NEB: variants seen among roughly 807,000 people sequenced by gnomAD.
NEB encodes nebulin, also known as nemaline myopathy type 2.
Under a neutral mutation model 952.2 loss-of-function variants are expected in NEB, and 512 were observed. The ratio of observed to expected loss-of-function variants is 0.54; its 90% CI spans 0.50 to 0.58. The LOEUF (loss-of-function observed/expected upper bound fraction) is 0.58. Ranked by LOEUF, NEB falls within the 20% of genes least tolerant of loss-of-function variation. NEB has a pLI of 0.00. For synonymous variants in NEB, 2,900 were observed against 3,149.8 expected (o/e 0.92, Z 2.66); for missense variants, 8,428 against 9,231.1 (o/e 0.91, Z 3.56).
At chr2:151,564,774 C>T (rs1252494640) in intron 117 of NEB, among the ~76,000 whole-genome samples, 3 of 152,184 alleles carry the variant, frequency 2.0e-5, no homozygotes, top group Non-Finnish European at 2.9e-5. Flanking sequence ...CTCACTTGCA[C>T]GATCTCCTGA....
chr2:151,681,653 C>T (rs2099414721), intron 29 of NEB, among the ~76,000 whole-genome samples: 1 of 152,276 alleles, frequency 6.6e-6, no homozygotes, highest in African/African-American at 2.4e-5. Flanking sequence ...TGGAAGACAA[C>T]CCTCATACCA....
At chr2:151,662,390 A>G in intron 45 of NEB, 49 bp from the exon 46 acceptor site, 1 of 1,451,546 alleles carries the variant, frequency 6.9e-7, no homozygotes, top group South Asian at 1.5e-5. Context: ...GAACTTCCCA[A>G]GAATCCTAAG....
intron 18 of NEB, among the ~76,000 whole-genome samples, chr2:151,695,182 T>A (rs1231079943): frequency 6.6e-6 from 1 of 152,202 alleles, no homozygotes; most frequent in Non-Finnish European, 1.5e-5. Context: ...TTCATGCAAG[T>A]TCTCATATAT....
intron 143 of NEB, 92 bp downstream of exon 143, chr2:151,533,350 A>C (rs1340720397): frequency 1.3e-6 from 1 of 797,422 alleles, no homozygotes; most frequent in Non-Finnish European, 2.1e-6. Context: ...CAGCATGGGC[A>C]GGGAGTGGAA....
At chr2:151,489,380 TG>T (rs144586009) in intron 181 of NEB, among the ~76,000 whole-genome samples, 4,519 of 152,286 alleles carry the variant, frequency 0.03, 119 homozygotes, top group East Asian at 0.14. Flanking sequence ...TGTATATATG[TG>T]GGCACATTGC....
intron 47 of NEB, 134 bp downstream of exon 47, chr2:151,658,929 AAG>A: frequency 3.9e-6 from 3 of 774,680 alleles, no homozygotes; most frequent in South Asian, 2.9e-5. Flanking sequence ...CAAAATTAGA[AAG>A]AGTCTCATGT....
intron 176 of NEB, chr2:151,492,943 C>G (rs2057717618): frequency 5.4e-6 from 1 of 185,278 alleles, no homozygotes; most frequent in African/African-American, 2.4e-5. Context: ...CACTAAAACC[C>G]CAAAATATAT....
rs1396268054 is a variant in NEB at position 151,560,654 on chromosome 2, T to G, written c.19252A>C (p.Ile6418Leu). 1.2e-6 allele frequency: 2 copies of G among 1,612,534 alleles called. No homozygotes were observed. Among genetic ancestry groups the G allele is most frequent in the East Asian group, 2.2e-5 (1 of 44,810 alleles). Residue 6418 changes from isoleucine to leucine, a missense_variant, in exon 124 of 182, where the codon ATC becomes CTC. Around this residue, in one of 11 missense-constraint regions of NEB, gnomAD observed 3,374 missense variants for 3,651.5 expected, o/e 0.92. Transcript: ENST00000397345. ...AWDRVKATSY[I>L]LPSSTLSLTH... ...AGGGACAAGGTGCTGGAAGGCAGGA[T>G]GTAGCTGGTGGCTTTCACTCTATCC...
At chr2:151,574,605 G>T (rs914734721) in intron 107 of NEB, among the ~76,000 whole-genome samples, 2 of 151,792 alleles carry the variant, frequency 1.3e-5, no homozygotes, top group African/African-American at 4.8e-5. Context: ...CTGACTATGG[G>T]GCCCTCTTGG....
intron 147 of NEB, 116 bp downstream of exon 147, chr2:151,527,365 C>G (rs922062749): frequency 6.7e-5 from 59 of 881,914 alleles, no homozygotes; most frequent in Non-Finnish European, 2.1e-5. Context: ...CTCTCCTTCT[C>G]GGATCTCAAA....
At chr2:151,634,020 G>T (rs956490483) in intron 64 of NEB, 55 bp from the exon 65 acceptor site, 1 of 1,549,914 alleles carries the variant, frequency 6.5e-7, no homozygotes, top group Admixed American at 1.8e-5. Flanking sequence ...GAGGCCACAA[G>T]TCTGTGCAAA....
At chr2:151,527,852 C>T (rs114308589) in intron 146 of NEB, among the ~76,000 whole-genome samples, 167 of 152,286 alleles carry the variant, frequency 1.1e-3, no homozygotes, top group African/African-American at 3.8e-3. Flanking sequence ...TCTAGTTCTG[C>T]CAGTCCAGCC....
chr2:151,537,091 A>C, intron 141 of NEB, 41 bp downstream of exon 141: 1 of 1,236,714 alleles, frequency 8.1e-7, no homozygotes. Context: ...GTACAGGTAT[A>C]TGTCGAATGG....
At position 151,610,062 on chromosome 2, in the gene NEB, A is replaced by G. The variant is rs2097889719; in HGVS notation, c.12077T>C (p.Ile4026Thr). The G allele has an allele frequency of 2.5e-6, 4 of 1,613,736 alleles. No homozygotes were observed. The highest frequency in any genetic ancestry group is 2.5e-6 in the Non-Finnish European group (3 of 1,179,816). ...ACACATAATCTTGGGATCATCTTCAATGCTCTGGGCTCCAATGTGGTGGCC... is the reference window on the plus strand; with the variant it reads ...ACACATAATCTTGGGATCATCTTCAGTGCTCTGGGCTCCAATGTGGTGGCC... ...QKGHHIGAQS[I>T]EDDPKIMCAI... The change falls in exon 81 of 182, where the codon ATT becomes ACT. Residue 4026 changes from isoleucine (I) to threonine (T), a missense_variant. By Grantham distance (89) the Ile-to-Thr change is moderately conservative. Around this residue, in one of 11 missense-constraint regions of NEB, gnomAD observed 337 missense variants for 297.5 expected, o/e 1.13. Coordinates refer to ENST00000397345, the MANE Select transcript of NEB (RefSeq NM_001164508.2).
At chr2:151,629,371 C>T (rs889162002) in intron 68 of NEB, among the ~76,000 whole-genome samples, 168 bp downstream of exon 68, 4 of 152,076 alleles carry the variant, frequency 2.6e-5, no homozygotes, top group South Asian at 4.2e-4. Flanking sequence ...TGAAGTCTTC[C>T]GAAGCTTAAA....
intron 13 of NEB, 126 bp downstream of exon 13, chr2:151,706,755 A>G (rs1332899271): frequency 4.3e-6 from 3 of 691,124 alleles, no homozygotes; most frequent in South Asian, 3.5e-5. Context: ...CATAGTTCCA[A>G]TGAACCTACC....
intron 117 of NEB, 51 bp downstream of exon 117, chr2:151,564,993 C>T (rs1577775574): frequency 1.8e-6 from 2 of 1,120,582 alleles, no homozygotes; most frequent in East Asian, 5.0e-5. Flanking sequence ...ATGAATGCAA[C>T]AAGAGCTTCA....
At chr2:151,698,254 T>C (rs1377727403) in intron 13 of NEB, among the ~76,000 whole-genome samples, 1 of 152,192 alleles carries the variant, frequency 6.6e-6, no homozygotes, top group Non-Finnish European at 1.5e-5. Flanking sequence ...TTAATGCATA[T>C]ACCACACAAT....
chr2:151,666,466 T>C (rs1401986280), intron 40 of NEB, 65 bp from the exon 41 acceptor site: 7 of 1,470,624 alleles, frequency 4.8e-6, no homozygotes, highest in East Asian at 2.3e-5. Context: ...ACTGAATTTA[T>C]ACAACAAATT....
Sources: allele counts gnomAD v4.1 joint callset (sites outside exome capture counted in the v4.1 genomes callset), GRCh38; gene constraint gnomAD v4.1.1; regional missense constraint gnomAD v4.1.1; transcripts MANE v1.5; gene names NCBI Gene and HGNC (gene_info 2026-07-23, HGNC 2026-07-21).